CALU: variants seen among roughly 807,000 people sequenced by gnomAD.
CALU encodes the protein IEF SSP 9302.
In CALU, 13 loss-of-function variants were observed where a neutral mutation model predicts 37.5. The ratio of observed to expected loss-of-function variants is 0.35; its 90% confidence interval spans 0.23 to 0.55. The LOEUF is 0.55. Ranked by LOEUF, CALU falls within the 20% of genes least tolerant of loss-of-function variation. The pLI is 0.89. For synonymous variants in CALU, 114 were observed against 133.8 expected (o/e 0.85, Z 1.02); for missense variants, 282 against 391.7 (o/e 0.72, Z 2.36).
At chr7:128,750,864 C>T (rs991134467) in intron 2 of CALU, among the ~76,000 whole-genome samples, 1 of 152,082 alleles carries the variant, frequency 6.6e-6, no homozygotes, top group Admixed American at 6.5e-5. Flanking sequence ...GCTAAAAGAA[C>T]ACAGGAAGCA....
intron 3 of CALU, 185 bp downstream of exon 3, chr7:128,754,640 C>T (rs1800800488): frequency 6.4e-7 from 1 of 1,552,022 alleles, no homozygotes. Flanking sequence ...ATGTTGAAAA[C>T]CAATGGCAGG....
In CALU at chr7:128,770,687, T is replaced by G. The variant is rs4566976; in HGVS notation, c.*1520T>G. The G allele has an allele frequency of 0.033, 5,056 of 152,730 alleles. 233 individuals carry two copies. Among genetic ancestry groups the G allele is most frequent in the Admixed American group, 0.14 (2,113 of 15,294 alleles). The allele number at this position is 152,730 out of a possible 1,614,324, so 9.5% of individuals were successfully genotyped here. ...CCACCCTTTGTTCCCAACTCCACTTTACCCATATTTTATGCAACACAAACA... is the reference window on the plus strand; with the variant it reads ...CCACCCTTTGTTCCCAACTCCACTTGACCCATATTTTATGCAACACAAACA... On this transcript the variant is annotated 3_prime_UTR_variant, in exon 7 of 7. Transcript: ENST00000249364.
Position 128,772,662 on chromosome 7 carries a change from G to A in CALU, c.*3495G>A. On this transcript the variant is annotated 3_prime_UTR_variant, in exon 7 of 7. Transcript: ENST00000249364. ...ATCTTCATGATGCAAGCTTGGAACTGGAGAGAAAGGTACAATTGGAGATAA... is the reference window on the plus strand; with the variant it reads ...ATCTTCATGATGCAAGCTTGGAACTAGAGAGAAAGGTACAATTGGAGATAA... 6.2e-7 allele frequency: 1 copy of A among 1,614,044 alleles called. No individual in the cohort carries two copies. The highest frequency in any genetic ancestry group is 1.1e-5 in the South Asian group (1 of 91,082).
At chr7:128,748,004 T>TATCATTAAAAA in intron 1 of CALU, 1 of 194,552 alleles carries the variant, frequency 5.1e-6, no homozygotes, top group South Asian at 1.3e-4. Flanking sequence ...GACTTGGTGC[T>TATCATTAAAAA]ATAGACCAAG....
chr7:128,739,679 C>G (rs542967987), intron 1 of CALU, among the ~76,000 whole-genome samples: 1 of 152,256 alleles, frequency 6.6e-6, no homozygotes, highest in Admixed American at 6.5e-5. Context: ...GAACTCTGTC[C>G]CGTTGGGTAC....
chr7:128,748,337 T>C, intron 1 of CALU: 1 of 1,484,010 alleles, frequency 6.7e-7, no homozygotes, highest in Non-Finnish European at 9.0e-7. Flanking sequence ...TATAAGTTTC[T>C]TATCAGCCTA....
chr7:128,747,019 C>T (rs899860725), intron 1 of CALU, among the ~76,000 whole-genome samples: 12 of 152,154 alleles, frequency 7.9e-5, no homozygotes, highest in African/African-American at 2.7e-4. Context: ...CCACCCGCCT[C>T]GGCCTCCCAG....
At position 128,769,209 on chromosome 7, in the gene CALU, T is replaced by C. The variant is rs1297170389; in HGVS notation, c.*42T>C. 2.9e-6 allele frequency: 3 copies of C among 1,039,114 alleles called. No individual in the cohort carries two copies. Among genetic ancestry groups the C allele is most frequent in the East Asian group, 4.8e-5 (2 of 41,480 alleles). The allele number at this position is 1,039,114 out of a possible 1,614,324, so 64.4% of individuals were successfully genotyped here. A position where few individuals can be genotyped will look rare whatever the true frequency, so the allele number is the denominator to read the frequency against. On this transcript the variant is annotated 3_prime_UTR_variant, in exon 7 of 7. Transcript: ENST00000249364. ...CATTTCCTCAAAAGTAATTTATTTT[T>C]ACAGCTTCTGGTTTCACATGAAATT...
rs994559503 is a variant in CALU, at chr7:128,772,786, G to T, written c.*3619G>T. On this transcript the variant is annotated 3_prime_UTR_variant, in exon 7 of 7. Coordinates refer to ENST00000249364, the MANE Select transcript of CALU (RefSeq NM_001219.5). ...ACCCAGAATGCCCTTAGGTGGTTTT[G>T]AATCTATCTTCCCCATCCTGAAAAC... 22 of 1,241,092 alleles carry T rather than the reference G, an allele frequency of 1.8e-5. No homozygotes were observed. Among genetic ancestry groups the T allele is most frequent in the Non-Finnish European group, 2.2e-5 (19 of 858,426 alleles). 76.9% of individuals were successfully genotyped at this position (1,241,092 alleles called of 1,614,324 possible). A position where few individuals can be genotyped will look rare whatever the true frequency, so the allele number is the denominator to read the frequency against.
intron 3 of CALU, among the ~76,000 whole-genome samples, chr7:128,756,587 G>A (rs959330473): frequency 1.2e-4 from 19 of 152,148 alleles, no homozygotes; most frequent in African/African-American, 3.1e-4. Context: ...CAATGAATCC[G>A]CTATCCATGA....
At position 128,753,049 on chromosome 7, in the gene CALU, TC is replaced by T. The variant is rs370349348; in HGVS notation, c.222-1212del. ...AACATTTTAGAGCAAGATTACACATTCTCTGAAGGAAAATGCTAGTTACTTA... is the reference window on the plus strand; with the variant it reads ...AACATTTTAGAGCAAGATTACACATTTCTGAAGGAAAATGCTAGTTACTTA... On this transcript the variant is annotated intron_variant, in intron 2 of 6. Coordinates refer to ENST00000249364, the MANE Select transcript of CALU (RefSeq NM_001219.5). 3.5e-3 allele frequency among the ~76,000 whole-genome samples: 531 copies of T among 152,318 alleles called. 2 individuals are homozygous for T. Among genetic ancestry groups the T allele is most frequent in the African/African-American group, 0.012 (504 of 41,566 alleles).
At chr7:128,767,356 C>A in intron 5 of CALU, 100 bp from the exon 6 acceptor site, 1 of 911,932 alleles carries the variant, frequency 1.1e-6, no homozygotes, top group Non-Finnish European at 1.8e-6. Flanking sequence ...CTGTTGGGTT[C>A]CAAACAAATG....
chr7:128,759,150 C>A, intron 4 of CALU, 113 bp downstream of exon 4: 1 of 734,588 alleles, frequency 1.4e-6, no homozygotes, highest in Non-Finnish European at 2.2e-6. Flanking sequence ...TGCTATATAG[C>A]ATATCACTGT....
At position 128,764,801 on chromosome 7, in the gene CALU, A is replaced by G. The variant is rs183706855; in HGVS notation, c.644-2655A>G. 2.4e-4 allele frequency among the ~76,000 whole-genome samples: 36 copies of G among 151,260 alleles called. No individual in the cohort carries two copies. In the East Asian group the frequency reaches 6.8e-3, roughly 28 times the overall value. Reference sequence around the variant, plus strand: ...ACTTAATTGCCCTTTTTTTTGTTTAAATTTATAGGGATTTGGGGATATTTA... The same window carrying G: ...ACTTAATTGCCCTTTTTTTTGTTTAGATTTATAGGGATTTGGGGATATTTA... On this transcript the variant is annotated intron_variant, in intron 5 of 6. Coordinates refer to ENST00000249364, the MANE Select transcript of CALU (RefSeq NM_001219.5).
In CALU at chr7:128,772,054, G is replaced by GTTTTTTGTTTTTTTTTTTT. The variant is rs1562886274; in HGVS notation, c.*2893_*2894insGTTTTTTTTTTTTTTTTTT. 9.1e-6 allele frequency among the ~76,000 whole-genome samples: 1 copy of GTTTTTTGTTTTTTTTTTTT among 110,290 alleles called. No individual in the cohort carries two copies. The highest frequency in any genetic ancestry group is 8.4e-5 in the Admixed American group (1 of 11,876). 72.4% of individuals were successfully genotyped at this position (110,290 alleles called of 152,430 possible). ...TCAAACTCATATTTGGGGCCACTGA[G>GTTTTTTGTTTTTTTTTTTT]TTTTTTTTGTTTTTTTTTTTGTTTT... is the stretch of plus-strand genomic sequence containing the variant. On this transcript the variant is annotated 3_prime_UTR_variant, in exon 7 of 7. Coordinates refer to ENST00000249364, the MANE Select transcript of CALU (RefSeq NM_001219.5).
chr7:128,757,388 T>C lies in CALU; in HGVS notation c.416-1483T>C, dbSNP rs564358854. Among the ~76,000 whole-genome samples the C allele has an allele frequency of 9.3e-4, 141 of 152,130 alleles. 4 individuals carry two copies. The South Asian group carries it at 0.028, about 31-fold the overall frequency. On this transcript the variant is annotated intron_variant, in intron 3 of 6. Coordinates refer to ENST00000249364, the MANE Select transcript of CALU (RefSeq NM_001219.5). Reference sequence around the variant, plus strand: ...GTGTGTGTGTGTGTGTGTGTGTGTGTGTGTACACAGGATCCCAAAGCCTTA... The same window carrying C: ...GTGTGTGTGTGTGTGTGTGTGTGTGCGTGTACACAGGATCCCAAAGCCTTA...
intron 2 of CALU, among the ~76,000 whole-genome samples, chr7:128,751,606 A>G (rs748703700): frequency 1.1e-4 from 16 of 152,152 alleles, no homozygotes; most frequent in Non-Finnish European, 4.4e-5. Flanking sequence ...ATGTGCCTGT[A>G]GTCCCAGCTA....
At chr7:128,759,967 G>A (rs1171045686) in intron 5 of CALU, 115 bp downstream of exon 5, 12 of 641,850 alleles carry the variant, frequency 1.9e-5, no homozygotes, top group African/African-American at 7.3e-5. Flanking sequence ...AGGCCGAGGC[G>A]GGCAGATCAC....
At chr7:128,764,912 T>G (rs1801270709) in intron 5 of CALU, among the ~76,000 whole-genome samples, 1 of 152,152 alleles carries the variant, frequency 6.6e-6, no homozygotes, top group Admixed American at 6.5e-5. Context: ...ACACGCATCC[T>G]GTTTCTTCTT....
Sources: allele counts gnomAD v4.1 joint callset (sites outside exome capture counted in the v4.1 genomes callset), GRCh38; gene constraint gnomAD v4.1.1; transcripts MANE v1.5; gene names NCBI Gene and HGNC (gene_info 2026-07-23, HGNC 2026-07-21).